The following SLC17A6 variants were observed in gnomAD, a reference collection of about 807,000 sequenced individuals.
The protein encoded by SLC17A6 is solute carrier family 17 member 6, also known as vesicular glutamate transporter 2.
A neutral mutation model predicts 67.1 loss-of-function variants in SLC17A6; 35 were observed. The ratio of observed to expected loss-of-function variants is 0.52; its 90% CI spans 0.40 to 0.69. The LOEUF (loss-of-function observed/expected upper bound fraction) is 0.69. SLC17A6 is among the 30% of genes least tolerant of loss of function. The pLI is 0.00. For missense variants in SLC17A6, 588 were observed against 723.9 expected, an observed-to-expected ratio of 0.81 and a Z score of 2.15; for synonymous variants, 285 against 252.3, an observed-to-expected ratio of 1.13 and a Z score of -1.23.
At chr11:22,367,707 A>C (rs751302588) in intron 7 of SLC17A6, among the ~76,000 whole-genome samples, 2 of 152,210 alleles carry the variant, frequency 1.3e-5, no homozygotes, top group Non-Finnish European at 2.9e-5. Context: ...AAATTTTAAA[A>C]ATAATCAGAA....
chr11:22,354,241 A>G (rs1381401131), intron 3 of SLC17A6, among the ~76,000 whole-genome samples: 1 of 151,980 alleles, frequency 6.6e-6, no homozygotes, highest in East Asian at 1.9e-4. Context: ...CCACCGCCAC[A>G]CGCAGCTAAT....
At chr11:22,363,577 G>A (rs923375483) in intron 6 of SLC17A6, among the ~76,000 whole-genome samples, 1 of 152,104 alleles carries the variant, frequency 6.6e-6, no homozygotes, top group Non-Finnish European at 1.5e-5. Flanking sequence ...GAAGTCATGT[G>A]GTAGAACAGT....
chr11:22,376,225 C>A, intron 10 of SLC17A6, 133 bp downstream of exon 10: 2 of 570,560 alleles, frequency 3.5e-6, no homozygotes, highest in Non-Finnish European at 5.7e-6. Context: ...CAAATATTTC[C>A]ACTAGAAAAT....
chr11:22,342,183 A>T (rs1191401162), intron 2 of SLC17A6, among the ~76,000 whole-genome samples: 1 of 152,256 alleles, frequency 6.6e-6, no homozygotes, highest in Middle Eastern at 3.2e-3. Flanking sequence ...ATTCACAATG[A>T]AACAAACTGG....
At position 22,376,682 on chromosome 11, in the gene SLC17A6, T is replaced by C; in HGVS notation, c.1413+10T>C. On this transcript the variant is annotated intron_variant, in intron 11 of 11. Coordinates refer to ENST00000263160, the MANE Select transcript of SLC17A6 (RefSeq NM_020346.3). ...AATGACAAAGAATAAGGTAAGATGG[T>C]CAAAACAGATGTTTAGTCATAGAAG... 2.5e-6 allele frequency: 4 copies of C among 1,613,432 alleles called. No individual in the cohort carries two copies. The highest frequency in any genetic ancestry group is 3.4e-6 in the Non-Finnish European group (4 of 1,179,522).
intron 8 of SLC17A6, among the ~76,000 whole-genome samples, chr11:22,371,441 T>G (rs1856174065): frequency 6.6e-6 from 1 of 152,006 alleles, no homozygotes; most frequent in Non-Finnish European, 1.5e-5. Flanking sequence ...GAATGGCTGC[T>G]TTAGACAGAG....
At chr11:22,365,790 G>C (rs1856105402) in intron 7 of SLC17A6, 101 bp downstream of exon 7, 1 of 1,264,250 alleles carries the variant, frequency 7.9e-7, no homozygotes, top group Non-Finnish European at 1.1e-6. Flanking sequence ...AAACTAATTT[G>C]GTATCAATCA....
At chr11:22,350,260 A>G (rs1053254183) in intron 3 of SLC17A6, among the ~76,000 whole-genome samples, 11 of 152,160 alleles carry the variant, frequency 7.2e-5, no homozygotes, top group African/African-American at 2.4e-4. Flanking sequence ...GATTTTGGCA[A>G]TCTCTATAGT....
chr11:22,340,234 T>A (rs1223204232), intron 1 of SLC17A6, among the ~76,000 whole-genome samples: 1 of 152,204 alleles, frequency 6.6e-6, no homozygotes, highest in Non-Finnish European at 1.5e-5. Flanking sequence ...ACACGGTAGA[T>A]TGGAAAAAAT....
intron 8 of SLC17A6, among the ~76,000 whole-genome samples, chr11:22,372,478 A>C (rs142320581): frequency 6.6e-6 from 1 of 151,908 alleles, no homozygotes; most frequent in African/African-American, 2.4e-5. Context: ...TCAGCGGGTC[A>C]GTGCTAGGAT....
At chr11:22,356,398 T>G (rs1855993519) in intron 3 of SLC17A6, among the ~76,000 whole-genome samples, 1 of 152,162 alleles carries the variant, frequency 6.6e-6, no homozygotes, top group African/African-American at 2.4e-5. Context: ...TTTTAATTAC[T>G]TAGATATTAA....
At chr11:22,348,585 C>A (rs1590380829) in intron 3 of SLC17A6, among the ~76,000 whole-genome samples, 1 of 152,262 alleles carries the variant, frequency 6.6e-6, no homozygotes, top group South Asian at 2.1e-4. Flanking sequence ...GCTCTTAGAA[C>A]TAAAATTGCA....
At chr11:22,369,511 A>G (rs1431812479) in intron 7 of SLC17A6, among the ~76,000 whole-genome samples, 1 of 152,054 alleles carries the variant, frequency 6.6e-6, no homozygotes, top group Middle Eastern at 3.2e-3. Context: ...ATTGATTGAT[A>G]GTAGAATAAT....
At chr11:22,342,856 T>A (rs1237047766) in intron 2 of SLC17A6, 2 of 436,292 alleles carry the variant, frequency 4.6e-6, no homozygotes, top group African/African-American at 4.1e-5. Context: ...ACTACACTAC[T>A]GTGTCTGCAT....
chr11:22,355,805 A>C (rs2133866822), intron 3 of SLC17A6, among the ~76,000 whole-genome samples: 1 of 152,272 alleles, frequency 6.6e-6, no homozygotes, highest in African/African-American at 2.4e-5. Flanking sequence ...GTTTTTGGAA[A>C]GTCTTTCTTC....
At chr11:22,372,912 A>G (rs1856190912) in intron 8 of SLC17A6, among the ~76,000 whole-genome samples, 1 of 152,078 alleles carries the variant, frequency 6.6e-6, no homozygotes. Flanking sequence ...AAAACTTGAA[A>G]CCTCTTTGGC....
rs1456545890 is a variant in SLC17A6 at position 22,357,206 on chromosome 11, A to G, written c.459-2207A>G. On this transcript the variant is annotated intron_variant, in intron 3 of 11. Transcript: ENST00000263160. ...TAGTTTCTCCATCTATAACATTGGT[A>G]TATGTTTTAATGGATATATGGTATA... 2.0e-5 allele frequency among the ~76,000 whole-genome samples: 3 copies of G among 152,212 alleles called. No homozygotes were observed. The East Asian group carries it at 5.8e-4, about 29-fold the overall frequency.
rs1416080133 is a variant in SLC17A6 at position 22,341,656 on chromosome 11, T to C, written c.215T>C (p.Ile72Thr). ...CTCFGLPRRY[I>T]IAIMSGLGFC... ...TGCTTCGGCCTGCCCCGCCGCTACA[T>C]TATCGCCATCATGAGCGGCCTGGGC... The change falls in exon 2 of 12, where the codon ATT (isoleucine) becomes ACT (threonine). Residue 72 changes from isoleucine to threonine, a missense_variant. Physicochemically the swap from Ile to Thr is moderately conservative, Grantham distance 89. Around this residue, in one of 4 missense-constraint regions of SLC17A6, gnomAD observed 117 missense variants for 98.7 expected, o/e 1.19. Coordinates refer to ENST00000263160, the MANE Select transcript of SLC17A6 (RefSeq NM_020346.3). The C allele has an allele frequency of 6.2e-7, 1 of 1,614,048 alleles. No homozygotes were observed. Among genetic ancestry groups the C allele is most frequent in the Admixed American group, 1.7e-5 (1 of 60,014 alleles).
intron 3 of SLC17A6, among the ~76,000 whole-genome samples, chr11:22,349,398 C>T (rs1040342321): frequency 7.2e-5 from 11 of 152,210 alleles, no homozygotes; most frequent in African/African-American, 2.6e-4. Flanking sequence ...TCAGGAGAAG[C>T]CTGCATTTTT....
Sources: gnomAD v4.1 joint callset for allele counts (sites outside exome capture counted in the v4.1 genomes callset) on GRCh38, gnomAD v4.1.1 for gene constraint, gnomAD v4.1.1 regional missense constraint, MANE v1.5 for transcripts, NCBI Gene and HGNC (gene_info 2026-07-23, HGNC 2026-07-21) for gene names.